The following WDR20 variants were observed in gnomAD, a reference collection of about 807,000 sequenced individuals.
WDR20 encodes WD repeat-containing protein 20.
A neutral mutation model predicts 38.7 loss-of-function variants in WDR20; 3 were observed. The ratio of observed to expected loss-of-function variants is 0.08; its 90% CI spans 0.04 to 0.20. WDR20 has a LOEUF of 0.20. Among genes scored for constraint, WDR20 ranks in the 10% least tolerant of loss-of-function variants. The pLI is 1.00. For missense variants in WDR20, 559 were observed against 727.7 expected, an observed-to-expected ratio of 0.77 and a Z score of 2.67; for synonymous variants, 298 against 285.6, an observed-to-expected ratio of 1.04 and a Z score of -0.44.
Position 102,207,986 on chromosome 14 carries a change from G to A in WDR20, c.433-617G>A, listed in dbSNP as rs543871696. The stretch of plus-strand genomic sequence containing the variant: ...TGCTTATGGAGATGCACGTGGGGCG[G>A]TGCATGGGAGTGAGGCGGCCTCAGT... On this transcript the variant is annotated intron_variant, in intron 2 of 2. Coordinates refer to ENST00000342702, the MANE Select transcript of WDR20 (RefSeq NM_144574.4). This position sits in a 1 kb window ranked among gnomAD's most constrained non-coding sequence, Gnocchi z 5.0. 9.2e-5 allele frequency among the ~76,000 whole-genome samples: 14 copies of A among 152,302 alleles called. No individual in the cohort carries two copies. The East Asian group carries it at 2.7e-3, about 29-fold the overall frequency.
At chr14:102,162,941 A>T (rs187111401) in intron 1 of WDR20, among the ~76,000 whole-genome samples, 15 of 152,270 alleles carry the variant, frequency 9.9e-5, no homozygotes, top group Admixed American at 9.8e-4. Context: ...TCCCTTTCAC[A>T]AGCCAAAATT....
Position 102,222,687 on chromosome 14 carries a change from T to TG in WDR20, c.1693-142dup. On this transcript the variant is annotated intron_variant, in intron 3 of 3. Transcript: ENST00000335263. The surrounding 1 kb of genome is among the most constrained non-coding windows in gnomAD (Gnocchi z 4.4). ...GTGATCTGGATAGGAATTAAATAGA[T>TG]GAAGTGGAGGGTTTGCTCCCACACT... 1.3e-6 allele frequency: 1 copy of TG among 786,738 alleles called. No homozygotes were observed. The highest frequency in any genetic ancestry group is 2.2e-6 in the Non-Finnish European group (1 of 454,682). 48.7% of individuals were successfully genotyped at this position (786,738 alleles called of 1,614,324 possible). A position where few individuals can be genotyped will look rare whatever the true frequency, so the allele number is the denominator to read the frequency against.
At position 102,222,604 on chromosome 14, in the gene WDR20, G is replaced by C. The variant is rs2064034989; in HGVS notation, c.1693-226G>C. 6.6e-6 allele frequency among the ~76,000 whole-genome samples: 1 copy of C among 152,216 alleles called. No individual in the cohort carries two copies. ...GCCCTGCCCGCCCTTCTCTTGGACG[G>C]TATTGAGGCCACAGTATTGCACCCA... On this transcript the variant is annotated intron_variant, in intron 3 of 3. Coordinates refer to the WDR20 transcript ENST00000335263. This position sits in a 1 kb window ranked among gnomAD's most constrained non-coding sequence, Gnocchi z 4.4.
downstream of WDR20, chr14:102,213,794 C>T: frequency 2.0e-6 from 2 of 985,022 alleles, no homozygotes; most frequent in Non-Finnish European, 2.4e-6. Context: ...GAGACGTTTT[C>T]TTTCTTTGTT....
At chr14:102,146,869 T>C (rs1445630171) in intron 1 of WDR20, among the ~76,000 whole-genome samples, 2 of 152,244 alleles carry the variant, frequency 1.3e-5, no homozygotes, top group African/African-American at 4.8e-5. Context: ...CTTTTTGTAT[T>C]AGATTTACTT....
At chr14:102,193,615 C>A in intron 1 of WDR20, 2 of 1,157,944 alleles carry the variant, frequency 1.7e-6, no homozygotes, top group Non-Finnish European at 2.4e-6. Context: ...TCTACATGTG[C>A]AAGGTTTTGA....
chr14:102,212,625 A>C, downstream of WDR20: 1 of 1,534,768 alleles, frequency 6.5e-7, no homozygotes. Context: ...AGAGAGGGGC[A>C]GGGAAGCGCC....
intron 1 of WDR20, among the ~76,000 whole-genome samples, chr14:102,172,227 A>G (rs1234951781): frequency 4.9e-5 from 7 of 144,060 alleles, no homozygotes; most frequent in African/African-American, 1.7e-4. Context: ...TTGGGGGGTA[A>G]GGTCACAGAT....
chr14:102,148,525 G>A (rs143256403), intron 1 of WDR20, among the ~76,000 whole-genome samples: 1 of 138,504 alleles, frequency 7.2e-6, no homozygotes, highest in Non-Finnish European at 1.6e-5. Flanking sequence ...GGGTGACAGA[G>A]CTGAGACTCT....
At chr14:102,143,746 T>C (rs1323204566) in intron 1 of WDR20, among the ~76,000 whole-genome samples, 1 of 151,896 alleles carries the variant, frequency 6.6e-6, no homozygotes, top group Non-Finnish European at 1.5e-5. Flanking sequence ...GGTTTCATCA[T>C]ATTGGCCAGG....
intron 1 of WDR20, among the ~76,000 whole-genome samples, chr14:102,140,570 C>T (rs1005810112): frequency 6.6e-6 from 1 of 152,110 alleles, no homozygotes; most frequent in Non-Finnish European, 1.5e-5. Flanking sequence ...AAGTCTCGCC[C>T]TGGGTTAGAG....
At chr14:102,173,177 A>C (rs1028629269) in intron 1 of WDR20, among the ~76,000 whole-genome samples, 2 of 151,116 alleles carry the variant, frequency 1.3e-5, no homozygotes, top group Non-Finnish European at 3.0e-5. Flanking sequence ...CAGTGGTACC[A>C]TCTCAGCTCA....
chr14:102,211,465 G>A (rs2062521956), downstream of WDR20, among the ~76,000 whole-genome samples: 1 of 152,154 alleles, frequency 6.6e-6, no homozygotes, highest in South Asian at 2.1e-4. This position sits in a 1 kb window ranked among gnomAD's most constrained non-coding sequence, Gnocchi z 4.2. Flanking sequence ...TGTGCCCATC[G>A]TGGGCCTTAA....
At chr14:102,223,737 G>T (rs2064137606), downstream of WDR20, 1 of 152,170 alleles carries the variant, frequency 6.6e-6, no homozygotes, top group Non-Finnish European at 1.5e-5. Context: ...GAACTGGTTG[G>T]TATGGAATTG....
intron 1 of WDR20, among the ~76,000 whole-genome samples, chr14:102,166,878 T>G (rs2059883537): frequency 6.6e-6 from 1 of 152,224 alleles, no homozygotes; most frequent in Non-Finnish European, 1.5e-5. Context: ...CTGCTTTTGT[T>G]TTCACTGCCC....
At chr14:102,210,792 C>T (rs1056458985), downstream of WDR20, among the ~76,000 whole-genome samples, 5 of 152,068 alleles carry the variant, frequency 3.3e-5, no homozygotes, top group Admixed American at 6.6e-5. Context: ...GTGACTCCTC[C>T]GCGCTTTGTT....
rs1458113956 is a variant in WDR20, at chr14:102,168,411, TGTCA to T, written c.250-26523_250-26520del. On this transcript the variant is annotated intron_variant, in intron 1 of 2. Coordinates refer to ENST00000342702, the MANE Select transcript of WDR20 (RefSeq NM_144574.4). ...CTGTTAGTAATTTGGTATTTTTACC[TGTCA>T]GTCTTTTTTTTTTGGTGTTCAGTTA... is the stretch of plus-strand genomic sequence containing the variant. 5.3e-5 allele frequency among the ~76,000 whole-genome samples: 8 copies of T among 152,234 alleles called. No individual in the cohort carries two copies. The East Asian group carries it at 1.5e-3, about 29-fold the overall frequency.
In WDR20 at chr14:102,210,523, A is replaced by G; in HGVS notation, c.*643A>G. 7 of 985,368 alleles carry G rather than the reference A, an allele frequency of 7.1e-6. No homozygotes were observed. Among genetic ancestry groups the G allele is most frequent in the Non-Finnish European group, 8.4e-6 (7 of 829,910 alleles). The allele number at this position is 985,368 out of a possible 1,614,324, so 61.0% of individuals were successfully genotyped here. ...GTTGTTTAATAAACATCTTTTTTCA[A>G]AGAAGCAGTTTGTAGCACTTTGATT... On this transcript the variant is annotated 3_prime_UTR_variant, in exon 3 of 3. Transcript: ENST00000342702.
At chr14:102,214,111 G>T (rs1720272347), downstream of WDR20, 5 of 985,486 alleles carry the variant, frequency 5.1e-6, no homozygotes, top group Admixed American at 6.1e-5. Context: ...CTTGGCTGAG[G>T]TTTCGTTCCT....
Sources: gnomAD v4.1 joint callset for allele counts (sites outside exome capture counted in the v4.1 genomes callset) on GRCh38, gnomAD v4.1.1 for gene constraint, Gnocchi (gnomAD v3.1) non-coding constraint, MANE v1.5 for transcripts, NCBI Gene and HGNC (gene_info 2026-07-23, HGNC 2026-07-21) for gene names.